Variants in ANKRD62 observed in about 807,000 individuals in gnomAD.
The protein encoded by ANKRD62 is ankyrin repeat domain-containing protein 62.
In ANKRD62, 61 loss-of-function variants were observed where a neutral mutation model predicts 98.8. That is an observed-to-expected ratio of 0.62 (90% confidence interval 0.50 to 0.76). ANKRD62 has a LOEUF of 0.76. Among genes scored for constraint, ANKRD62 ranks in the 30% least tolerant of loss-of-function variants. The pLI, the probability that ANKRD62 is intolerant of heterozygous loss-of-function variation, is 0.00. For synonymous variants in ANKRD62, 341 were observed against 367.9 expected, an observed-to-expected ratio of 0.93 and a Z score of 0.84; for missense variants, 933 against 1,082.9, an observed-to-expected ratio of 0.86 and a Z score of 1.94.
At chr18:12,119,884 A>C (rs7239346) in intron 10 of ANKRD62, among the ~76,000 whole-genome samples, 2 of 151,714 alleles carry the variant, frequency 1.3e-5, no homozygotes, top group African/African-American at 4.8e-5. Context: ...TACCAACCTC[A>C]ATATGTTATT....
chr18:12,108,726 AGTT>A (rs1215521839), intron 8 of ANKRD62, among the ~76,000 whole-genome samples: 1 of 23,656 alleles, frequency 4.2e-5, no homozygotes, highest in Non-Finnish European at 1.2e-4. Flanking sequence ...ATCAAAAATT[AGTT>A]AGTTAGTTCT....
chr18:12,136,931 G>T, the ANKRD62 span, among the ~76,000 whole-genome samples: 2 of 152,170 alleles, frequency 1.3e-5, no homozygotes, highest in Non-Finnish European at 2.9e-5. Context: ...TTGCTTATCA[G>T]CTTAAGGAGA....
rs551309335 is a variant in ANKRD62, at chr18:12,097,745, A to G, written c.720A>G (p.Ala240=). 6.5e-7 allele frequency: 1 copy of G among 1,536,146 alleles called. No homozygotes were observed. Among genetic ancestry groups the G allele is most frequent in the East Asian group, 2.4e-5 (1 of 40,906 alleles). ...VFCQDISGWT[A]EDYAVASKFQ... is the part of the protein sequence containing the mutation. ...GCCAAGATATATCTGGATGGACTGCAGAAGACTACGCTGTTGCTTCTAAGT... is the reference window on the plus strand; with the variant it reads ...GCCAAGATATATCTGGATGGACTGCGGAAGACTACGCTGTTGCTTCTAAGT... The change falls in exon 5 of 14, where the codon GCA becomes GCG. Residue 240 remains alanine, a synonymous_variant. Transcript: ENST00000587848.
rs573719534 is a variant in ANKRD62 at position 12,109,994 on chromosome 18, A to C, written c.1064+2527A>C. ...AAACAGACAGACAGGTAGTAGGCTG[A>C]ATTTGGCACACACTATTAATTTGCT... On this transcript the variant is annotated intron_variant, in intron 8 of 13. Coordinates refer to ENST00000587848, the MANE Select transcript of ANKRD62 (RefSeq NM_001277333.2). 2.0e-3 allele frequency among the ~76,000 whole-genome samples: 303 copies of C among 149,010 alleles called. 1 individual carries two copies. The highest frequency in any genetic ancestry group is 3.1e-3 in the Non-Finnish European group (209 of 67,474).
In ANKRD62 at chr18:12,122,485, C is replaced by A. The variant is rs1909802516; in HGVS notation, c.1423C>A (p.Leu475Ile). 3 of 1,525,676 alleles carry A rather than the reference C, an allele frequency of 2.0e-6. No individual in the cohort carries two copies. The African/African-American group carries it at 4.2e-5, about 21-fold the overall frequency. The allele number at this position is 1,525,676 out of a possible 1,614,324, so 94.5% of individuals were successfully genotyped here. Residue 475 changes from leucine (L) to isoleucine (I), a missense_variant, in exon 11 of 14, where the codon CTT becomes ATT. Leu to Ile is a conservative substitution (Grantham distance 5, BLOSUM62 2). Coordinates refer to ENST00000587848, the MANE Select transcript of ANKRD62 (RefSeq NM_001277333.2). ...KTKSQSEHQN[L>I]QGKKKLCNLR... is the part of the protein sequence containing the mutation. ...CAAATCACAGTCAGAGCATCAGAAT[C>A]TTCAAGGGAAAAAAAAGCTCTGTAA...
At position 12,126,097 on chromosome 18, in the gene ANKRD62, A is replaced by G; in HGVS notation, c.2276A>G (p.Gln759Arg). The G allele has an allele frequency of 6.5e-7, 1 of 1,536,174 alleles. No homozygotes were observed. Among genetic ancestry groups the G allele is most frequent in the Non-Finnish European group, 8.7e-7 (1 of 1,146,894 alleles). The change falls in exon 13 of 14, where the codon CAA (glutamine) becomes CGA (arginine). Residue 759 changes from glutamine (Q) to arginine (R), a missense_variant. Gln to Arg is a conservative substitution (Grantham distance 43). Transcript: ENST00000587848. The part of the protein sequence containing the change: ...EDIEHMYQND[Q>R]PILEKYVRKQ... The stretch of plus-strand genomic sequence containing the variant: ...ATTGAACACATGTACCAAAATGACC[A>G]ACCTATTTTGGAAAAATACGTGAGA...
At chr18:12,110,755 C>A (rs944823933) in intron 8 of ANKRD62, among the ~76,000 whole-genome samples, 1 of 152,230 alleles carries the variant, frequency 6.6e-6, no homozygotes, top group South Asian at 2.1e-4. Context: ...TTTTATTTAA[C>A]CTACCAGCAA....
chr18:12,137,464 A>G, the ANKRD62 span, among the ~76,000 whole-genome samples: 1 of 152,110 alleles, frequency 6.6e-6, no homozygotes, highest in Admixed American at 6.6e-5. Flanking sequence ...ATTTTATTGA[A>G]GATTTTTGCA....
intron 8 of ANKRD62, among the ~76,000 whole-genome samples, chr18:12,111,864 T>C (rs1909546538): frequency 6.6e-6 from 1 of 151,884 alleles, no homozygotes; most frequent in Admixed American, 6.6e-5. Context: ...AGGGGAAAGA[T>C]CTCTACAAGG....
chr18:12,157,340 A>G, the ANKRD62 span, among the ~76,000 whole-genome samples: 1 of 152,202 alleles, frequency 6.6e-6, no homozygotes, highest in African/African-American at 2.4e-5. Flanking sequence ...AGAACATTTC[A>G]TCACTCAGAG....
downstream of ANKRD62, among the ~76,000 whole-genome samples, chr18:12,131,023 A>G (rs529664455): frequency 1.6e-4 from 25 of 152,316 alleles, no homozygotes; most frequent in South Asian, 4.6e-3. Flanking sequence ...TTTGCATGTA[A>G]CAAAGTTTTA....
intron 4 of ANKRD62, among the ~76,000 whole-genome samples, chr18:12,097,130 T>A (rs181718417): frequency 6.6e-6 from 1 of 152,336 alleles, no homozygotes; most frequent in East Asian, 1.9e-4. Flanking sequence ...AGGGTGGTTG[T>A]GTATAAGTAA....
chr18:12,124,698 T>G (rs948522194), intron 12 of ANKRD62, among the ~76,000 whole-genome samples: 4 of 75,546 alleles, frequency 5.3e-5, no homozygotes, highest in African/African-American at 2.2e-4. Context: ...AAGAAGAGCT[T>G]TATAAATTTT....
chr18:12,170,423 G>T, the ANKRD62 span, among the ~76,000 whole-genome samples: 32 of 152,154 alleles, frequency 2.1e-4, no homozygotes, highest in African/African-American at 7.5e-4. Context: ...GTTCAGTTTC[G>T]ATGTAGTTGT....
the ANKRD62 span, among the ~76,000 whole-genome samples, chr18:12,169,372 TG>T: frequency 2.0e-5 from 3 of 152,244 alleles, no homozygotes; most frequent in Non-Finnish European, 4.4e-5. Flanking sequence ...AGGCCTTTTC[TG>T]CATCTATTGA....
At chr18:12,136,166 T>C in the ANKRD62 span, among the ~76,000 whole-genome samples, 1 of 152,118 alleles carries the variant, frequency 6.6e-6, no homozygotes, top group Admixed American at 6.5e-5. Context: ...CTAGGGTTTT[T>C]ATGGTTTTAG....
At chr18:12,137,639 G>T in the ANKRD62 span, among the ~76,000 whole-genome samples, 1 of 152,170 alleles carries the variant, frequency 6.6e-6, no homozygotes, top group Non-Finnish European at 1.5e-5. Flanking sequence ...GCTCCTCCTT[G>T]TACCTCTGGT....
At chr18:12,173,771 T>A in the ANKRD62 span, among the ~76,000 whole-genome samples, 2 of 152,228 alleles carry the variant, frequency 1.3e-5, no homozygotes, top group African/African-American at 4.8e-5. Context: ...GGTTATGAAA[T>A]TCTGGGTTGG....
chr18:12,118,704 G>C (rs2143923856), intron 10 of ANKRD62, among the ~76,000 whole-genome samples: 1 of 151,922 alleles, frequency 6.6e-6, no homozygotes, highest in Admixed American at 6.6e-5. Flanking sequence ...GTATTTTCAT[G>C]GTTTGATTTG....
Sources: gnomAD v4.1 joint callset for allele counts (sites outside exome capture counted in the v4.1 genomes callset) on GRCh38, gnomAD v4.1.1 for gene constraint, MANE v1.5 for transcripts, NCBI Gene and HGNC (gene_info 2026-07-23, HGNC 2026-07-21) for gene names.